MALRD1: variants seen among roughly 807,000 people sequenced by gnomAD.
The protein encoded by MALRD1 is MAM and LDL receptor class A domain containing 1, also known as MAM and LDL-receptor class A domain-containing protein 1.
Under a neutral mutation model 242.1 loss-of-function variants are expected in MALRD1, and 247 were observed. The observed-to-expected ratio is 1.02, with a 90% CI of 0.92 to 1.13. The LOEUF (loss-of-function observed/expected upper bound fraction) is 1.13. Ranked by LOEUF, MALRD1 falls within the 50% of genes most tolerant of loss-of-function variation. The pLI, the probability that MALRD1 is intolerant of heterozygous loss-of-function variation, is 0.00. For missense variants in MALRD1, 2,989 were observed against 2,533.1 expected (o/e 1.18, Z -3.86); for synonymous variants, 995 against 866.6 (o/e 1.15, Z -2.60).
At chr10:19,395,678 C>G (rs953635507) in intron 28 of MALRD1, among the ~76,000 whole-genome samples, 5 of 152,158 alleles carry the variant, frequency 3.3e-5, no homozygotes, top group African/African-American at 1.2e-4. Flanking sequence ...ATCAACACAC[C>G]CAGAGTTTAA....
At chr10:19,139,539 T>C (rs1833468422) in intron 10 of MALRD1, among the ~76,000 whole-genome samples, 1 of 152,172 alleles carries the variant, frequency 6.6e-6, no homozygotes, top group African/African-American at 2.4e-5. Context: ...AATGAGTAAA[T>C]ATGAACTCGT....
chr10:19,385,213 G>A lies in MALRD1; in HGVS notation c.4442-2315G>A, dbSNP rs545221948. On this transcript the variant is annotated intron_variant, in intron 26 of 39. Coordinates refer to ENST00000454679, the MANE Select transcript of MALRD1 (RefSeq NM_001142308.3). ...TCCATATTTATTAGGGATATTGGCT[G>A]TAGTTTTCTCCTTTTGTAGTGTTTG... 2.0e-5 allele frequency among the ~76,000 whole-genome samples: 3 copies of A among 152,092 alleles called. No individual in the cohort carries two copies. In the South Asian group the frequency reaches 6.2e-4, roughly 32 times the overall value.
intron 28 of MALRD1, among the ~76,000 whole-genome samples, chr10:19,421,860 C>G (rs1452190830): frequency 6.6e-6 from 1 of 152,168 alleles, no homozygotes; most frequent in East Asian, 1.9e-4. Flanking sequence ...GAGAGTTTGG[C>G]TTAGATGCAG....
chr10:19,398,883 T>C (rs1346336607), intron 28 of MALRD1, among the ~76,000 whole-genome samples: 1 of 152,210 alleles, frequency 6.6e-6, no homozygotes, highest in Non-Finnish European at 1.5e-5. Context: ...AGACTAAGTA[T>C]AAATAGGTTT....
intron 38 of MALRD1, among the ~76,000 whole-genome samples, chr10:19,726,702 C>A (rs1835042278): frequency 6.6e-6 from 1 of 152,144 alleles, no homozygotes; most frequent in African/African-American, 2.4e-5. Context: ...ACCCAAATTT[C>A]CATCAACAGG....
intron 38 of MALRD1, among the ~76,000 whole-genome samples, chr10:19,727,245 G>A (rs1541026): frequency 1 from 151,606 of 152,320 alleles, 75,453 homozygotes; most frequent in Middle Eastern, 1. Flanking sequence ...TATTCACCTC[G>A]AAGTCATGTT....
intron 36 of MALRD1, among the ~76,000 whole-genome samples, chr10:19,665,372 C>G (rs1165218961): frequency 2.0e-5 from 3 of 152,168 alleles, no homozygotes; most frequent in Non-Finnish European, 4.4e-5. Context: ...CGTAGCATCT[C>G]AGTGCCATCT....
At chr10:19,147,469 CAA>C (rs1437666789) in intron 11 of MALRD1, among the ~76,000 whole-genome samples, 1 of 152,022 alleles carries the variant, frequency 6.6e-6, no homozygotes, top group African/African-American at 2.4e-5. Context: ...TTGTGGCAGA[CAA>C]AGTTAAGTTT....
intron 38 of MALRD1, among the ~76,000 whole-genome samples, chr10:19,693,095 A>G (rs1833182398): frequency 6.6e-6 from 1 of 151,980 alleles, no homozygotes; most frequent in South Asian, 2.1e-4. Flanking sequence ...AGAGCTATTT[A>G]TGACAAACCC....
At chr10:19,281,963 C>CAAAAAAAAAAAAA (rs149370838) in intron 20 of MALRD1, among the ~76,000 whole-genome samples, 1 of 79,864 alleles carries the variant, frequency 1.3e-5, no homozygotes. Context: ...ACGATGTCTC[C>CAAAAAAAAAAAAA]AAAAAAAAAA....
Position 19,326,521 on chromosome 10 carries a change from T to C in MALRD1, c.3577-1042T>C, listed in dbSNP as rs190971753. Among the ~76,000 whole-genome samples the C allele has an allele frequency of 1.8e-3, 272 of 152,196 alleles. 1 individual carries two copies. The highest frequency in any genetic ancestry group is 6.4e-3 in the African/African-American group (264 of 41,572). ...GTGGTATTAATATAAAGAAGACTCA[T>C]TTGCTATACATTTTTTTCAATGCCT... On this transcript the variant is annotated intron_variant, in intron 22 of 39. Transcript: ENST00000454679.
At chr10:19,727,337 C>T (rs564979185) in intron 38 of MALRD1, among the ~76,000 whole-genome samples, 1 of 151,946 alleles carries the variant, frequency 6.6e-6, no homozygotes. Context: ...CTATTATAAA[C>T]ACTTCCATGC....
At chr10:19,153,876 T>C in intron 11 of MALRD1, among the ~76,000 whole-genome samples, 1 of 129,006 alleles carries the variant, frequency 7.8e-6, no homozygotes, top group East Asian at 2.0e-4. Flanking sequence ...AACCTCTTGT[T>C]TGAAATTTGT....
intron 5 of MALRD1, among the ~76,000 whole-genome samples, chr10:19,109,315 A>G (rs1836590538): frequency 6.6e-6 from 1 of 152,018 alleles, no homozygotes; most frequent in Non-Finnish European, 1.5e-5. Flanking sequence ...TGTTTCGTGT[A>G]TTGAGGGTTT....
At position 19,238,357 on chromosome 10, in the gene MALRD1, AATACATAATATATATT is replaced by A. The variant is rs1354708436; in HGVS notation, c.2992-19313_2992-19298del. Among the ~76,000 whole-genome samples the A allele has an allele frequency of 2.4e-5, 2 of 84,748 alleles. 1 individual carries two copies. The highest frequency in any genetic ancestry group is 9.7e-5 in the African/African-American group (2 of 20,542). 55.6% of individuals were successfully genotyped at this position (84,748 alleles called of 152,430 possible). ...ACATAATATATTATACATAATATAT[AATACATAATATATATT>A]ATACATAATATATTATATATGTTAT... On this transcript the variant is annotated intron_variant, in intron 18 of 39. Transcript: ENST00000454679.
chr10:19,669,167 G>A (rs1306629982), intron 36 of MALRD1, among the ~76,000 whole-genome samples: 1 of 152,218 alleles, frequency 6.6e-6, no homozygotes, highest in Middle Eastern at 3.2e-3. Flanking sequence ...TCTAGAAGCT[G>A]GAAGATAATG....
intron 28 of MALRD1, among the ~76,000 whole-genome samples, chr10:19,410,392 A>G (rs1025223637): frequency 5.9e-5 from 9 of 152,170 alleles, no homozygotes; most frequent in African/African-American, 2.2e-4. Flanking sequence ...AAGTCTAGAA[A>G]ACAGTCATTT....
intron 31 of MALRD1, among the ~76,000 whole-genome samples, chr10:19,522,677 A>G (rs145360819): frequency 1.9e-3 from 296 of 152,260 alleles, no homozygotes; most frequent in Non-Finnish European, 3.4e-3. Context: ...TATGCTCCCA[A>G]TAATCCAAAT....
intron 21 of MALRD1, among the ~76,000 whole-genome samples, chr10:19,286,953 A>G (rs1841156705): frequency 6.6e-6 from 1 of 151,490 alleles, no homozygotes; most frequent in Non-Finnish European, 1.5e-5. Flanking sequence ...CCAGCAGCAC[A>G]TCAAAAAGCT....
Sources: gnomAD v4.1 joint callset for allele counts (sites outside exome capture counted in the v4.1 genomes callset) on GRCh38, gnomAD v4.1.1 for gene constraint, MANE v1.5 for transcripts, NCBI Gene and HGNC (gene_info 2026-07-23, HGNC 2026-07-21) for gene names.